KLHL1: variants seen among roughly 807,000 people sequenced by gnomAD.
The protein encoded by KLHL1 is kelch-like protein 1.
Under a neutral mutation model 77.7 loss-of-function variants are expected in KLHL1, and 47 were observed. That is an observed-to-expected ratio of 0.60 (90% CI 0.48 to 0.77). The LOEUF (loss-of-function observed/expected upper bound fraction) is 0.77. Among genes scored for constraint, KLHL1 ranks in the 30% least tolerant of loss-of-function variants. The pLI, the probability that KLHL1 is intolerant of heterozygous loss-of-function variation, is 0.00. For synonymous variants in KLHL1, 360 were observed against 325.2 expected (o/e 1.11, Z -1.15); for missense variants, 925 against 910.8 (o/e 1.02, Z -0.20).
chr13:70,087,170 C>T (rs1391818658), intron 1 of KLHL1, among the ~76,000 whole-genome samples: 3 of 152,062 alleles, frequency 2.0e-5, no homozygotes, highest in Non-Finnish European at 4.4e-5. Flanking sequence ...AACTGACCAG[C>T]TCTTAGTGGA....
intron 1 of KLHL1, among the ~76,000 whole-genome samples, chr13:70,001,170 T>G (rs994725159): frequency 6.6e-6 from 1 of 151,164 alleles, no homozygotes; most frequent in African/African-American, 2.4e-5. Context: ...TTTCAATGTT[T>G]GCTGAAATGG....
chr13:69,934,962 G>GTGTA (rs372646811), intron 4 of KLHL1, among the ~76,000 whole-genome samples: 10 of 129,800 alleles, frequency 7.7e-5, no homozygotes, highest in African/African-American at 2.4e-4. Flanking sequence ...GTGTGCATGT[G>GTGTA]TATATATATA....
At chr13:70,038,581 ATTTTTT>A (rs55885952) in intron 1 of KLHL1, among the ~76,000 whole-genome samples, 6 of 73,030 alleles carry the variant, frequency 8.2e-5, no homozygotes, top group African/African-American at 1.6e-4. Context: ...ATTGTCATTA[ATTTTTT>A]TTTTTTTTTT....
chr13:69,785,830 C>T (rs1876510707), intron 7 of KLHL1, among the ~76,000 whole-genome samples: 1 of 152,098 alleles, frequency 6.6e-6, no homozygotes, highest in Non-Finnish European at 1.5e-5. Flanking sequence ...GGGATATCGC[C>T]ACCGATCCCA....
intron 1 of KLHL1, among the ~76,000 whole-genome samples, chr13:70,047,480 A>G: frequency 6.6e-6 from 1 of 152,030 alleles, no homozygotes; most frequent in East Asian, 1.9e-4. Context: ...AGAAAACTTT[A>G]GTGGCCATGT....
intron 5 of KLHL1, among the ~76,000 whole-genome samples, chr13:69,878,862 C>A (rs914997387): frequency 1.3e-5 from 2 of 152,040 alleles, no homozygotes; most frequent in Non-Finnish European, 2.9e-5. Context: ...AGATGTCCAA[C>A]AATGATAGAC....
chr13:69,814,632 A>T (rs930841689), intron 6 of KLHL1, among the ~76,000 whole-genome samples: 2 of 152,178 alleles, frequency 1.3e-5, no homozygotes, highest in African/African-American at 4.8e-5. Flanking sequence ...AACATAAAAA[A>T]TACTCAACAT....
At position 69,896,718 on chromosome 13, in the gene KLHL1, G is replaced by T. The variant is rs563022938; in HGVS notation, c.1015-14223C>A. On this transcript the variant is annotated intron_variant, in intron 4 of 10. Coordinates refer to ENST00000377844, the MANE Select transcript of KLHL1 (RefSeq NM_020866.3). ...GAGTCTCACTCTGTTGCCCAGGCTG[G>T]AGGGCAGTGGTGCAATCTCGGCTCA... Among the ~76,000 whole-genome samples, 3 of 151,460 alleles carry T rather than the reference G, an allele frequency of 2.0e-5. No homozygotes were observed. The South Asian group carries it at 6.3e-4, about 32-fold the overall frequency.
intron 1 of KLHL1, among the ~76,000 whole-genome samples, chr13:70,066,186 C>T (rs879918343): frequency 3.9e-5 from 6 of 152,202 alleles, no homozygotes; most frequent in Non-Finnish European, 7.3e-5. Context: ...TGAATTTACA[C>T]TCATGCTTCG....
At chr13:69,788,027 A>T (rs1330704585) in intron 7 of KLHL1, among the ~76,000 whole-genome samples, 2 of 152,224 alleles carry the variant, frequency 1.3e-5, no homozygotes, top group African/African-American at 2.4e-5. Context: ...GCTGGAGAGG[A>T]TGTGGAGAAA....
intron 4 of KLHL1, among the ~76,000 whole-genome samples, chr13:69,929,220 A>G (rs553686003): frequency 6.6e-6 from 1 of 152,174 alleles, no homozygotes; most frequent in Non-Finnish European, 1.5e-5. Context: ...CAAGTGAGCT[A>G]CTCAAAGACA....
chr13:69,720,753 G>T (rs1873010313), intron 8 of KLHL1, among the ~76,000 whole-genome samples: 1 of 151,518 alleles, frequency 6.6e-6, no homozygotes, highest in African/African-American at 2.4e-5. Context: ...ACTAAATAGT[G>T]AGTGAAAAGT....
chr13:69,810,944 C>G (rs1319875122), intron 6 of KLHL1, among the ~76,000 whole-genome samples: 2 of 151,536 alleles, frequency 1.3e-5, no homozygotes, highest in African/African-American at 2.4e-5. Flanking sequence ...TAATCCAGAA[C>G]AGACTAATAA....
At chr13:69,820,869 T>G (rs994607579) in intron 6 of KLHL1, among the ~76,000 whole-genome samples, 1 of 152,194 alleles carries the variant, frequency 6.6e-6, no homozygotes, top group African/African-American at 2.4e-5. Flanking sequence ...ACTAGACATT[T>G]CCAAGAAAAA....
At chr13:69,941,044 T>C (rs1209347336) in intron 3 of KLHL1, among the ~76,000 whole-genome samples, 3 of 152,014 alleles carry the variant, frequency 2.0e-5, no homozygotes, top group African/African-American at 7.2e-5. Context: ...TGTATAATTG[T>C]ACAATTGTAT....
intron 4 of KLHL1, among the ~76,000 whole-genome samples, chr13:69,914,256 G>A (rs968024055): frequency 6.6e-5 from 10 of 152,040 alleles, no homozygotes; most frequent in South Asian, 2.1e-4. Context: ...TGACTGAGAC[G>A]CAGAGCACAC....
chr13:70,047,595 T>C (rs1438184356), intron 1 of KLHL1, among the ~76,000 whole-genome samples: 1 of 152,168 alleles, frequency 6.6e-6, no homozygotes, highest in Admixed American at 6.5e-5. Context: ...GATAAATTCT[T>C]CTAACCTTTC....
intron 5 of KLHL1, among the ~76,000 whole-genome samples, chr13:69,870,359 C>T (rs926015096): frequency 6.6e-6 from 1 of 152,064 alleles, no homozygotes; most frequent in Non-Finnish European, 1.5e-5. Context: ...AGCACCCAGA[C>T]ATTCATGAGG....
intron 1 of KLHL1, among the ~76,000 whole-genome samples, chr13:70,073,554 TA>T (rs1328889612): frequency 6.9e-5 from 5 of 72,856 alleles, no homozygotes; most frequent in African/African-American, 2.3e-4. Context: ...ACTTAAAGTG[TA>T]ATAAAAAAAA....
Sources: gnomAD v4.1 joint callset for allele counts (sites outside exome capture counted in the v4.1 genomes callset) on GRCh38, gnomAD v4.1.1 for gene constraint, MANE v1.5 for transcripts, NCBI Gene and HGNC (gene_info 2026-07-23, HGNC 2026-07-21) for gene names.